PARD3B: variants seen among roughly 807,000 people sequenced by gnomAD.
The protein encoded by PARD3B is par-3 family cell polarity regulator beta, also known as partitioning defective 3 homolog B.
In PARD3B, 103 loss-of-function variants were observed where a neutral mutation model predicts 130.2. The observed-to-expected ratio is 0.79, with a 90% CI of 0.67 to 0.93. The LOEUF (loss-of-function observed/expected upper bound fraction) is 0.93. PARD3B is among the 40% of genes least tolerant of loss of function. The pLI, the probability that PARD3B is intolerant of heterozygous loss-of-function variation, is 0.00. For missense variants in PARD3B, 1,609 were observed against 1,499.2 expected (o/e 1.07, Z -1.21); for synonymous variants, 583 against 553.2 (o/e 1.05, Z -0.76).
chr2:205,442,494 G>A (rs547153364), intron 20 of PARD3B, among the ~76,000 whole-genome samples: 1 of 152,010 alleles, frequency 6.6e-6, no homozygotes, highest in South Asian at 2.1e-4. Context: ...GTAGAGACAG[G>A]GTTTCACTGT....
intron 19 of PARD3B, among the ~76,000 whole-genome samples, chr2:205,433,296 G>A (rs1223696682): frequency 6.6e-6 from 1 of 152,134 alleles, no homozygotes; most frequent in African/African-American, 2.4e-5. Flanking sequence ...ACTTTGGGAG[G>A]CCAAGGCAGG....
At chr2:204,672,094 T>C (rs974247726) in intron 1 of PARD3B, among the ~76,000 whole-genome samples, 7 of 152,194 alleles carry the variant, frequency 4.6e-5, no homozygotes, top group African/African-American at 1.7e-4. Context: ...AGTGTAATAA[T>C]GGTATAATGA....
At chr2:204,843,794 T>C (rs1160687120) in intron 2 of PARD3B, among the ~76,000 whole-genome samples, 1 of 152,186 alleles carries the variant, frequency 6.6e-6, no homozygotes, top group Non-Finnish European at 1.5e-5. Context: ...CAAAACATAC[T>C]TTTGTACTTG....
intron 2 of PARD3B, among the ~76,000 whole-genome samples, chr2:204,951,859 C>T (rs971781701): frequency 1.3e-5 from 2 of 152,134 alleles, no homozygotes; most frequent in African/African-American, 2.4e-5. Context: ...GAGTCAAAGA[C>T]GCATGCTCAC....
chr2:204,973,320 C>T lies in PARD3B; in HGVS notation c.394+7997C>T, dbSNP rs1691865862. ...CTCAGATTTTTTATTTATACATATT[C>T]ATCTTTGTGGCCATGAAATAGATTA... is the stretch of plus-strand genomic sequence containing the variant. On this transcript the variant is annotated intron_variant, in intron 3 of 22. Transcript: ENST00000406610. Among the ~76,000 whole-genome samples, 2 of 152,102 alleles carry T rather than the reference C, an allele frequency of 1.3e-5. 1 individual carries two copies. The highest frequency in any genetic ancestry group is 4.1e-4 in the South Asian group (2 of 4,828).
chr2:205,081,364 T>A (rs1701391705), intron 4 of PARD3B, among the ~76,000 whole-genome samples: 1 of 152,084 alleles, frequency 6.6e-6, no homozygotes, highest in Non-Finnish European at 1.5e-5. Flanking sequence ...GCACCATTTA[T>A]TTTTTATGGA....
At chr2:205,064,238 G>A (rs1331011378) in intron 4 of PARD3B, among the ~76,000 whole-genome samples, 3 of 152,154 alleles carry the variant, frequency 2.0e-5, no homozygotes, top group Non-Finnish European at 2.9e-5. Context: ...TGTAATTCAT[G>A]AGAGTGTTGA....
intron 1 of PARD3B, among the ~76,000 whole-genome samples, chr2:204,564,107 C>A (rs1223783468): frequency 1.3e-5 from 2 of 152,180 alleles, no homozygotes; most frequent in Non-Finnish European, 2.9e-5. Context: ...GATTGAAGCC[C>A]AGTGGCTGGT....
rs149292713 is a variant in PARD3B, at chr2:205,558,293, A to G, written c.3260+4890A>G. ...GAGTTAACCAGGAAGGTGGAGCATG[A>G]TGCTCTAGCTCCCAGGGCAGACATG... On this transcript the variant is annotated intron_variant, in intron 22 of 22. Transcript: ENST00000406610. The surrounding 1 kb of genome is among the most constrained non-coding windows in gnomAD (Gnocchi z 4.8). Among the ~76,000 whole-genome samples, 1 of 152,082 alleles carries G rather than the reference A, an allele frequency of 6.6e-6. No homozygotes were observed. Among genetic ancestry groups the G allele is most frequent in the African/African-American group, 2.4e-5 (1 of 41,410 alleles).
chr2:204,844,078 G>A (rs1470114863), intron 2 of PARD3B, among the ~76,000 whole-genome samples: 2 of 152,096 alleles, frequency 1.3e-5, no homozygotes, highest in South Asian at 2.1e-4. Context: ...GAAACTACTC[G>A]TTTGTAAACT....
intron 1 of PARD3B, among the ~76,000 whole-genome samples, chr2:204,655,524 T>A (rs1245254663): frequency 3.3e-5 from 5 of 152,186 alleles, no homozygotes; most frequent in East Asian, 1.9e-4. Flanking sequence ...TAATTTAGAA[T>A]GTTTTCTGAA....
chr2:204,746,444 G>A (rs1468323962), intron 2 of PARD3B, among the ~76,000 whole-genome samples: 42 of 151,986 alleles, frequency 2.8e-4, no homozygotes, highest in Admixed American at 6.6e-4. Context: ...ATAAACATAC[G>A]TGTGCATGTG....
In PARD3B at chr2:205,121,917, A is replaced by G; in HGVS notation, c.1133A>G (p.Asn378Ser). 3 of 1,612,222 alleles carry G rather than the reference A, an allele frequency of 1.9e-6. No homozygotes were observed. The highest frequency in any genetic ancestry group is 2.5e-6 in the Non-Finnish European group (3 of 1,179,132). Residue 378 changes from asparagine to serine, a missense_variant, in exon 8 of 23, where the codon AAT becomes AGT. Transcript: ENST00000406610. The surrounding 1 kb of genome is among the most constrained non-coding windows in gnomAD (Gnocchi z 5.0). ...SPLMGFGSNK[N>S]AKKIKIDLKK... The stretch of plus-strand genomic sequence containing the variant: ...CTCATGGGATTTGGCAGCAATAAAA[A>G]TGCAAAGAAAATTAAGATTGACCTA...
chr2:204,991,498 C>G (rs1337370781), intron 3 of PARD3B, among the ~76,000 whole-genome samples: 1 of 140,984 alleles, frequency 7.1e-6, no homozygotes, highest in African/African-American at 2.7e-5. Flanking sequence ...TGGCTTGGTT[C>G]CAAGTCTTTG....
At chr2:204,839,793 GT>G (rs2125585342) in intron 2 of PARD3B, among the ~76,000 whole-genome samples, 1 of 152,062 alleles carries the variant, frequency 6.6e-6, no homozygotes, top group Admixed American at 6.5e-5. Flanking sequence ...AAGAACAACT[GT>G]TTTTGTTCAA....
At chr2:205,071,329 C>T (rs1184145580) in intron 4 of PARD3B, among the ~76,000 whole-genome samples, 5 of 152,172 alleles carry the variant, frequency 3.3e-5, no homozygotes, top group South Asian at 2.1e-4. Context: ...CCATTCTTCT[C>T]GCCAAAGATC....
chr2:204,848,091 T>C (rs2044541693), intron 2 of PARD3B, among the ~76,000 whole-genome samples: 1 of 152,186 alleles, frequency 6.6e-6, no homozygotes, highest in Non-Finnish European at 1.5e-5. Flanking sequence ...TTACAGTGTA[T>C]TGTTATAATT....
chr2:204,743,005 T>C (rs1363641825), intron 2 of PARD3B, among the ~76,000 whole-genome samples: 1 of 152,182 alleles, frequency 6.6e-6, no homozygotes, highest in Non-Finnish European at 1.5e-5. Context: ...TGTAATAGGT[T>C]GGGAAGCAAC....
chr2:205,048,686 A>T (rs907790524), intron 4 of PARD3B: 1 of 152,214 alleles, frequency 6.6e-6, no homozygotes, highest in Non-Finnish European at 1.5e-5. Flanking sequence ...AAATATTCTT[A>T]TCAAGAACCA....
Sources: gnomAD v4.1 joint callset for allele counts (sites outside exome capture counted in the v4.1 genomes callset) on GRCh38, gnomAD v4.1.1 for gene constraint, Gnocchi (gnomAD v3.1) non-coding constraint, MANE v1.5 for transcripts, NCBI Gene and HGNC (gene_info 2026-07-23, HGNC 2026-07-21) for gene names.